Variants in TMEM116 observed in about 807,000 individuals in gnomAD.
The protein encoded by TMEM116 is transmembrane protein 116.
Under a neutral mutation model 44.3 loss-of-function variants are expected in TMEM116, and 38 were observed. The observed-to-expected ratio is 0.86, with a 90% CI of 0.66 to 1.12. The LOEUF (loss-of-function observed/expected upper bound fraction) is 1.12, where lower values mean the gene tolerates loss of function less well. Among genes scored for constraint, TMEM116 ranks in the 50% most tolerant of loss-of-function variants. TMEM116 has a pLI of 0.00. For synonymous variants in TMEM116, 132 were observed against 144.8 expected, an observed-to-expected ratio of 0.91 and a Z score of 0.64; for missense variants, 354 against 401.7, an observed-to-expected ratio of 0.88 and a Z score of 1.01.
chr12:111,931,519 T>C lies in TMEM116; in HGVS notation c.*102A>G, dbSNP rs2071637377. The C allele has an allele frequency of 2.6e-6, 3 of 1,146,806 alleles. No individual in the cohort carries two copies. In the East Asian group the frequency reaches 7.2e-5, roughly 28 times the overall value. 71.0% of individuals were successfully genotyped at this position (1,146,806 alleles called of 1,614,324 possible). A position where few individuals can be genotyped will look rare whatever the true frequency, so the allele number is the denominator to read the frequency against. On this transcript the variant is annotated 3_prime_UTR_variant, in exon 11 of 11. Transcript: ENST00000552374. Reference sequence around the variant, plus strand: ...TATATTTCCTTTGAGTTCTGCAGTTTAGGGCATAGTTAGAAAAGATTTAAG... The same window carrying C: ...TATATTTCCTTTGAGTTCTGCAGTTCAGGGCATAGTTAGAAAAGATTTAAG...
chr12:111,950,496 A>G (rs1323015638), intron 4 of TMEM116, among the ~76,000 whole-genome samples: 1 of 151,624 alleles, frequency 6.6e-6, no homozygotes, highest in Non-Finnish European at 1.5e-5. Context: ...AAAATCCTTT[A>G]GAACAGGATA....
chr12:111,943,455 T>G, intron 4 of TMEM116, 86 bp from the exon 5 acceptor site: 2 of 957,024 alleles, frequency 2.1e-6, no homozygotes, highest in East Asian at 5.1e-5. Context: ...TTTTCTATTA[T>G]GAGAATCCTA....
intron 4 of TMEM116, among the ~76,000 whole-genome samples, chr12:111,944,202 G>T (rs1244115312): frequency 6.6e-6 from 1 of 151,746 alleles, no homozygotes; most frequent in Non-Finnish European, 1.5e-5. Flanking sequence ...TGAGATAACA[G>T]GAATAGAATT....
intron 4 of TMEM116, among the ~76,000 whole-genome samples, chr12:111,968,142 G>T (rs908683709): frequency 6.6e-6 from 1 of 152,026 alleles, no homozygotes; most frequent in African/African-American, 2.4e-5. Flanking sequence ...ACTGACTGGC[G>T]CATGTGTCTA....
intron 4 of TMEM116, among the ~76,000 whole-genome samples, chr12:111,972,081 A>G (rs1355838099): frequency 1.3e-5 from 2 of 148,880 alleles, no homozygotes; most frequent in Non-Finnish European, 3.0e-5. Flanking sequence ...TCTGTGAAAA[A>G]AAAAAAAAAA....
At chr12:111,991,048 A>G (rs974988333) in intron 4 of TMEM116, among the ~76,000 whole-genome samples, 10 of 151,230 alleles carry the variant, frequency 6.6e-5, no homozygotes, top group Non-Finnish European at 1.5e-4. Flanking sequence ...GTGAAACCCC[A>G]TCTCTACTAA....
intron 4 of TMEM116, among the ~76,000 whole-genome samples, chr12:111,968,961 C>A (rs1294610204): frequency 7.0e-6 from 1 of 142,790 alleles, no homozygotes; most frequent in African/African-American, 2.6e-5. Flanking sequence ...TCACTGCACT[C>A]CAACCTGGGC....
intron 4 of TMEM116, among the ~76,000 whole-genome samples, chr12:111,985,256 T>C (rs1303516689): frequency 1.3e-5 from 2 of 149,054 alleles, no homozygotes; most frequent in Non-Finnish European, 2.9e-5. Flanking sequence ...CACGATCTTA[T>C]ATGTAGAAAA....
intron 1 of TMEM116, chr12:112,011,959 T>C (rs1294712571): frequency 6.6e-6 from 1 of 152,240 alleles, no homozygotes; most frequent in Non-Finnish European, 1.5e-5. Context: ...ACTCTCCTAG[T>C]TAAAACTTCT....
In TMEM116 at chr12:111,935,994, A is replaced by C. The variant is rs1326745552; in HGVS notation, c.588+698T>G. 3 of 152,210 alleles carry C rather than the reference A, an allele frequency of 2.0e-5. No individual in the cohort carries two copies. The East Asian group carries it at 5.8e-4, about 29-fold the overall frequency. The allele number at this position is 152,210 out of a possible 1,614,324, so 9.4% of individuals were successfully genotyped here. Reference sequence around the variant, plus strand: ...TGAATTGCCAAAGGAAATTCCCCATAACTGTATCTAGTTCACAGGTGCTAG... The same window carrying C: ...TGAATTGCCAAAGGAAATTCCCCATCACTGTATCTAGTTCACAGGTGCTAG... On this transcript the variant is annotated intron_variant, in intron 8 of 10. Transcript: ENST00000552374.
chr12:111,936,119 A>G (rs1239553431), intron 8 of TMEM116: 1 of 152,170 alleles, frequency 6.6e-6, no homozygotes, highest in African/African-American at 2.4e-5. Flanking sequence ...GGAAATACAA[A>G]GGCATATTTG....
At position 111,986,534 on chromosome 12, in the gene TMEM116, G is replaced by A. The variant is rs143865163; in HGVS notation, c.210+5224C>T. ...CATTCTTTTCAACAAATGGGGCCAG[G>A]CATGGTGGCTCACGCCTGTAATCCC... is the stretch of plus-strand genomic sequence containing the variant. On this transcript the variant is annotated intron_variant, in intron 4 of 10. Coordinates refer to ENST00000552374, the MANE Select transcript of TMEM116 (RefSeq NM_001193531.2). Among the ~76,000 whole-genome samples the A allele has an allele frequency of 1.8e-3, 271 of 152,202 alleles. 1 individual carries two copies. The highest frequency in any genetic ancestry group is 6.1e-3 in the African/African-American group (252 of 41,508).
intron 2 of TMEM116, among the ~76,000 whole-genome samples, chr12:112,004,212 C>T (rs1229262125): frequency 2.6e-5 from 4 of 151,662 alleles, no homozygotes; most frequent in Admixed American, 2.6e-4. Context: ...AACTCCTGGC[C>T]TCATGTGATC....
intron 4 of TMEM116, among the ~76,000 whole-genome samples, chr12:111,975,327 A>AT (rs60077794): frequency 0.27 from 40,574 of 151,280 alleles, 7,073 homozygotes; most frequent in East Asian, 0.85. Context: ...ATATACAAAC[A>AT]TTTTTTTTTG....
At chr12:111,941,579 C>A (rs1488828855) in intron 5 of TMEM116, among the ~76,000 whole-genome samples, 2 of 152,226 alleles carry the variant, frequency 1.3e-5, no homozygotes, top group Non-Finnish European at 2.9e-5. Flanking sequence ...CCACATATAG[C>A]TAGTAGCTAC....
intron 4 of TMEM116, among the ~76,000 whole-genome samples, chr12:111,963,221 G>C (rs1223523925): frequency 6.6e-6 from 1 of 152,156 alleles, no homozygotes; most frequent in African/African-American, 2.4e-5. Context: ...TTACACTGTT[G>C]GTGGGAGTGT....
intron 4 of TMEM116, among the ~76,000 whole-genome samples, chr12:111,969,221 G>C (rs1219332769): frequency 6.6e-6 from 1 of 150,770 alleles, no homozygotes; most frequent in Middle Eastern, 3.4e-3. Context: ...TCGGGAGGCT[G>C]AGGCAGGAGA....
chr12:111,964,237 A>T (rs544056098), intron 4 of TMEM116, among the ~76,000 whole-genome samples: 1 of 151,990 alleles, frequency 6.6e-6, no homozygotes, highest in South Asian at 2.1e-4. Flanking sequence ...TCAAGAGATC[A>T]AGACCATCCT....
intron 9 of TMEM116, 123 bp from the exon 10 acceptor site, chr12:111,932,782 C>T (rs1232392112): frequency 9.3e-6 from 7 of 754,972 alleles, no homozygotes; most frequent in African/African-American, 1.7e-5. Context: ...CCATCAGTGA[C>T]GTTAACTTGT....
Sources: gnomAD v4.1 joint callset for allele counts (sites outside exome capture counted in the v4.1 genomes callset) on GRCh38, gnomAD v4.1.1 for gene constraint, MANE v1.5 for transcripts, NCBI Gene and HGNC (gene_info 2026-07-23, HGNC 2026-07-21) for gene names.